PDYN: variants seen among roughly 807,000 people sequenced by gnomAD.
The protein encoded by PDYN is prodynorphin.
A neutral mutation model predicts 11.4 loss-of-function variants in PDYN; 5 were observed. The observed-to-expected ratio is 0.44, with a 90% CI of 0.23 to 0.92. The LOEUF (loss-of-function observed/expected upper bound fraction) is 0.92. Among genes scored for constraint, PDYN ranks in the 40% least tolerant of loss-of-function variants. The pLI is 0.24. For missense variants in PDYN, 337 were observed against 317.3 expected (o/e 1.06, Z -0.47); for synonymous variants, 132 against 129.5 (o/e 1.02, Z -0.13).
At chr20:1,982,481 C>T (rs1478018561) in intron 3 of PDYN, among the ~76,000 whole-genome samples, 2 of 152,030 alleles carry the variant, frequency 1.3e-5, no homozygotes, top group Non-Finnish European at 2.9e-5. Context: ...AAAGGAAAGC[C>T]GACAAGGTAG....
intron 2 of PDYN, among the ~76,000 whole-genome samples, chr20:1,983,856 T>A (rs1036553019): frequency 1.1e-4 from 17 of 152,198 alleles, no homozygotes; most frequent in Non-Finnish European, 2.9e-5. Flanking sequence ...AGCTCTGGGC[T>A]CCAACCACAT....
At chr20:1,992,134 G>A (rs1988477760) in intron 2 of PDYN, among the ~76,000 whole-genome samples, 1 of 152,106 alleles carries the variant, frequency 6.6e-6, no homozygotes, top group Non-Finnish European at 1.5e-5. Context: ...AACCTTAGGA[G>A]GTGAATATTA....
At position 1,978,977 on chromosome 20, in the gene PDYN, A is replaced by C. The variant is rs568071086; in HGVS notation, c.*1346T>G. The C allele has an allele frequency of 6.6e-6, 1 of 152,294 alleles. No individual in the cohort carries two copies. The highest frequency in any genetic ancestry group is 2.4e-5 in the African/African-American group (1 of 41,558). 9.4% of individuals were successfully genotyped at this position (152,294 alleles called of 1,614,324 possible). A position where few individuals can be genotyped will look rare whatever the true frequency, so the allele number is the denominator to read the frequency against. On this transcript the variant is annotated 3_prime_UTR_variant, in exon 4 of 4. Coordinates refer to ENST00000217305, the MANE Select transcript of PDYN (RefSeq NM_024411.5). ...CATCTTATACAAATTATCCAGACTC[A>C]AGCCTTTTCCTCTCCTATCCAGCCT...
In PDYN at chr20:1,980,923, G is replaced by A. The variant is rs1299464285; in HGVS notation, c.165C>T (p.Pro55=). The A allele has an allele frequency of 6.2e-7, 1 of 1,614,160 alleles. No homozygotes were observed. The highest frequency in any genetic ancestry group is 8.5e-7 in the Non-Finnish European group (1 of 1,180,038). ...TCTGGCATCTCTCCCATTCCTCAGA[G>A]GGCAGCAGGGCAGCCTGGCATTGCA... The part of the protein sequence containing the change: ...CSLQCQAALL[P]SEEWERCQSF... Residue 55 remains proline, a synonymous_variant, in exon 4 of 4, where the codon CCC becomes CCT. Coordinates refer to ENST00000217305, the MANE Select transcript of PDYN (RefSeq NM_024411.5).
intron 2 of PDYN, among the ~76,000 whole-genome samples, chr20:1,991,343 G>T (rs983410174): frequency 1.2e-4 from 19 of 152,154 alleles, no homozygotes; most frequent in African/African-American, 4.1e-4. Context: ...GTGGCCAGCC[G>T]CTCTGGCCAG....
At chr20:1,981,595 A>G (rs1430069591) in intron 3 of PDYN, among the ~76,000 whole-genome samples, 1 of 152,158 alleles carries the variant, frequency 6.6e-6, no homozygotes, top group Non-Finnish European at 1.5e-5. Flanking sequence ...GACCTGGCCC[A>G]TTGTGTGCAT....
At chr20:1,985,307 C>T (rs1238399459) in intron 2 of PDYN, among the ~76,000 whole-genome samples, 3 of 152,200 alleles carry the variant, frequency 2.0e-5, no homozygotes, top group East Asian at 1.9e-4. Flanking sequence ...CAGATCCCTA[C>T]TGCTCTAAGC....
rs768474001 is a variant in PDYN, at chr20:1,980,319, G to T, written c.*4C>A. On this transcript the variant is annotated 3_prime_UTR_variant, in exon 4 of 4. Transcript: ENST00000217305. ...TCCTGACTCTACTCCATGAAAAGAG[G>T]TGCTTATGCATCAAAAAGCTCTCCA... The T allele has an allele frequency of 6.2e-7, 1 of 1,613,932 alleles. No homozygotes were observed. The highest frequency in any genetic ancestry group is 1.3e-5 in the African/African-American group (1 of 74,896).
chr20:1,980,425 G>T lies in PDYN; in HGVS notation c.663C>A (p.Asp221Glu). The change falls in exon 4 of 4, where the codon GAC (aspartate) becomes GAA (glutamate). Residue 221 changes from aspartate to glutamate, a missense_variant. Coordinates refer to ENST00000217305, the MANE Select transcript of PDYN (RefSeq NM_024411.5). ...LRRIRPKLKW[D>E]NQKRYGGFLR... The stretch of plus-strand genomic sequence containing the variant: ...GAAAACCGCCATAGCGCTTCTGGTT[G>T]TCCCACTTGAGCTTGGGACGAATGC... 1 of 1,614,144 alleles carries T rather than the reference G, an allele frequency of 6.2e-7. No individual in the cohort carries two copies. Among genetic ancestry groups the T allele is most frequent in the African/African-American group, 1.3e-5 (1 of 75,036 alleles).
At chr20:1,985,837 C>T (rs762771846) in intron 2 of PDYN, among the ~76,000 whole-genome samples, 4 of 152,252 alleles carry the variant, frequency 2.6e-5, no homozygotes, top group South Asian at 2.1e-4. Context: ...CCATACAAAG[C>T]GGGCAGCTCA....
rs765854641 is a variant in PDYN at position 1,980,357 on chromosome 20, G to A, written c.731C>T (p.Pro244Leu). Residue 244 changes from proline (P) to leucine (L), a missense_variant, in exon 4 of 4, where the codon CCG (proline) becomes CTG (leucine). Transcript: ENST00000217305. ...AAAAAGCTCTCCAGAGTAAGCATTC[G>A]GATCTTCCTGAGACCGAGTCACCAC... ...FKVVTRSQED[P>L]NAYSGELFDA 3.0e-5 allele frequency: 49 copies of A among 1,613,982 alleles called. No homozygotes were observed. In the South Asian group the frequency reaches 3.6e-4, roughly 12 times the overall value.
At chr20:1,981,847 AC>A (rs957018524) in intron 3 of PDYN, among the ~76,000 whole-genome samples, 1 of 151,886 alleles carries the variant, frequency 6.6e-6, no homozygotes, top group Non-Finnish European at 1.5e-5. Context: ...AATCACTTGA[AC>A]CCAGGAGGCG....
intron 2 of PDYN, 66 bp from the exon 3 acceptor site, chr20:1,983,169 C>A (rs73571363): frequency 7.2e-7 from 1 of 1,397,932 alleles, no homozygotes; most frequent in Non-Finnish European, 9.8e-7. Flanking sequence ...TGTTCTGAGC[C>A]CACAAAGTCA....
chr20:1,991,028 A>G lies in PDYN; in HGVS notation c.-20+1556T>C, dbSNP rs1988419097. Among the ~76,000 whole-genome samples, 4 of 151,858 alleles carry G rather than the reference A, an allele frequency of 2.6e-5. 1 individual carries two copies. The South Asian group carries it at 8.4e-4, about 32-fold the overall frequency. Reference sequence around the variant, plus strand: ...AGGGAAGGGGGTGAGGAGGAGGGGAAGAAGAGGGAAAAAAGGGAAGGGAAG... The same window carrying G: ...AGGGAAGGGGGTGAGGAGGAGGGGAGGAAGAGGGAAAAAAGGGAAGGGAAG... On this transcript the variant is annotated intron_variant, in intron 2 of 3. Transcript: ENST00000217305.
At chr20:1,982,082 C>T (rs1349958341) in intron 3 of PDYN, among the ~76,000 whole-genome samples, 2 of 151,514 alleles carry the variant, frequency 1.3e-5, no homozygotes, top group Non-Finnish European at 1.5e-5. Flanking sequence ...CATGGTGAAA[C>T]CCCGTCTCTA....
At chr20:1,985,627 G>A (rs2122361104) in intron 2 of PDYN, among the ~76,000 whole-genome samples, 1 of 152,326 alleles carries the variant, frequency 6.6e-6, no homozygotes, top group South Asian at 2.1e-4. Flanking sequence ...GAGAGGCTTA[G>A]TAAATCTCCT....
chr20:1,983,650 C>T (rs960457976), intron 2 of PDYN, among the ~76,000 whole-genome samples: 20 of 152,312 alleles, frequency 1.3e-4, no homozygotes, highest in African/African-American at 3.6e-4. Context: ...ACCTTGGCCA[C>T]GGCTCCACCT....
In PDYN at chr20:1,980,515, CCCAG is replaced by C. The variant is rs775259557; in HGVS notation, c.569_572del (p.Ala190GlyfsTer47). 50 of 1,613,130 alleles carry C rather than the reference CCCAG, an allele frequency of 3.1e-5. 1 individual carries two copies. In the South Asian group the frequency reaches 5.4e-4, roughly 17 times the overall value. ...GGCCCATGCTATCCCCGTCCCCCTCCCCAGCCACCTCTGAGCTCCTCTTGGGGTA... is the reference window on the plus strand; with the variant it reads ...GGCCCATGCTATCCCCGTCCCCCTCCCCACCTCTGAGCTCCTCTTGGGGTA... On this transcript the variant is annotated frameshift_variant, in exon 4 of 4. Transcript: ENST00000217305. LOFTEE classifies it high-confidence loss of function.
intron 2 of PDYN, among the ~76,000 whole-genome samples, chr20:1,987,500 G>A (rs1452567444): frequency 1.3e-5 from 2 of 152,198 alleles, no homozygotes; most frequent in East Asian, 1.9e-4. Flanking sequence ...ATCGCCACCC[G>A]CGGAACCACC....
Sources: gnomAD v4.1 joint callset for allele counts (sites outside exome capture counted in the v4.1 genomes callset) on GRCh38, gnomAD v4.1.1 for gene constraint, MANE v1.5 for transcripts, NCBI Gene and HGNC (gene_info 2026-07-23, HGNC 2026-07-21) for gene names.